Variants in KLF8 observed in about 807,000 individuals in gnomAD.
KLF8 encodes KLF transcription factor 8.
Under a neutral mutation model 18.2 loss-of-function variants are expected in KLF8, and 10 were observed. The ratio of observed to expected loss-of-function variants is 0.55; its 90% CI spans 0.34 to 0.93. KLF8 has a LOEUF of 0.93. KLF8 is among the 40% of genes least tolerant of loss of function. The pLI, the probability that KLF8 is intolerant of heterozygous loss-of-function variation, is 0.02. For missense variants in KLF8, 264 were observed against 277.9 expected (o/e 0.95, Z 0.36); for synonymous variants, 109 against 97.3 (o/e 1.12, Z -0.71).
chrX:56,049,448 C>A, the KLF8 span, among the ~76,000 whole-genome samples: 1 of 110,146 alleles, frequency 9.1e-6, no homozygotes, highest in Admixed American at 9.7e-5. Flanking sequence ...CCCATCAATA[C>A]CTAATCTATT....
chrX:56,184,564 T>G, the KLF8 span, among the ~76,000 whole-genome samples: 80 of 112,378 alleles, frequency 7.1e-4, 3 homozygotes, highest in South Asian at 0.026. Context: ...ATGGGCAGAC[T>G]GCCTCCTCAA....
At chrX:56,039,079 G>A in the KLF8 span, among the ~76,000 whole-genome samples, 5 of 111,471 alleles carry the variant, frequency 4.5e-5, no homozygotes, top group African/African-American at 6.5e-5. Flanking sequence ...TTGTAAATTT[G>A]TTTAATATCC....
At chrX:56,114,602 A>G in the KLF8 span, among the ~76,000 whole-genome samples, 1 of 112,848 alleles carries the variant, frequency 8.9e-6, no homozygotes, top group Non-Finnish European at 1.9e-5. Flanking sequence ...GACCGTCCTC[A>G]TATTGCATAT....
the KLF8 span, among the ~76,000 whole-genome samples, chrX:55,984,289 C>T: frequency 9.1e-6 from 1 of 110,313 alleles, no homozygotes; most frequent in Non-Finnish European, 1.9e-5. Context: ...TACCCGCTCA[C>T]CTAACAGGTC....
chrX:56,253,691 G>A (rs908749734), intron 2 of KLF8, among the ~76,000 whole-genome samples: 5 of 107,409 alleles, frequency 4.7e-5, no homozygotes, highest in African/African-American at 1.0e-4. Context: ...GGCTATTCTC[G>A]GTATTTGTGG....
the KLF8 span, among the ~76,000 whole-genome samples, chrX:56,221,829 G>C: frequency 1.8e-5 from 2 of 111,723 alleles, no homozygotes; most frequent in African/African-American, 6.5e-5. Context: ...CCACAGTTTG[G>C]AAGGGGACCG....
At chrX:56,284,007 A>G (rs918237920) in intron 5 of KLF8, among the ~76,000 whole-genome samples, 5 of 111,752 alleles carry the variant, frequency 4.5e-5, no homozygotes, top group African/African-American at 1.6e-4. Flanking sequence ...ATTATTGAAA[A>G]TCAATGAGAG....
the KLF8 span, among the ~76,000 whole-genome samples, chrX:56,057,886 T>C: frequency 1.8e-5 from 2 of 109,206 alleles, no homozygotes; most frequent in African/African-American, 6.7e-5. Flanking sequence ...TTTAAGCAGG[T>C]ATCCCTGCCA....
At chrX:56,058,299 T>TAC in the KLF8 span, among the ~76,000 whole-genome samples, 4 of 66,757 alleles carry the variant, frequency 6.0e-5, no homozygotes, top group African/African-American at 2.6e-4. Context: ...TATATATATA[T>TAC]ATATATATAT....
the KLF8 span, among the ~76,000 whole-genome samples, chrX:55,987,260 T>C: frequency 9.1e-6 from 1 of 109,903 alleles, no homozygotes; most frequent in Non-Finnish European, 1.9e-5. Context: ...GCAGCTTTGT[T>C]ACATATGTAT....
At chrX:56,052,527 G>T in the KLF8 span, among the ~76,000 whole-genome samples, 14 of 111,817 alleles carry the variant, frequency 1.3e-4, no homozygotes, top group South Asian at 2.6e-3. Context: ...AATACCTGCC[G>T]TGTGAGGTGT....
the KLF8 span, among the ~76,000 whole-genome samples, chrX:55,926,486 A>G: frequency 9.1e-6 from 1 of 110,325 alleles, no homozygotes; most frequent in Non-Finnish European, 1.9e-5. Flanking sequence ...TCCTGATTAC[A>G]CTAGTCTGTG....
At chrX:56,117,895 A>T in the KLF8 span, among the ~76,000 whole-genome samples, 1 of 111,591 alleles carries the variant, frequency 9.0e-6, no homozygotes, top group African/African-American at 3.3e-5. Context: ...TTTATTTCTC[A>T]TGGTTCTGGA....
chrX:56,067,708 G>A, the KLF8 span, among the ~76,000 whole-genome samples: 20 of 112,193 alleles, frequency 1.8e-4, no homozygotes, highest in Non-Finnish European at 3.4e-4. Context: ...ACCTGTGCAA[G>A]ACTAGGAATG....
the KLF8 span, among the ~76,000 whole-genome samples, chrX:55,999,284 G>GTTTTTTTTTTTTTTTTTTT: frequency 2.3e-4 from 4 of 17,519 alleles, no homozygotes; most frequent in Admixed American, 3.1e-4. Flanking sequence ...GATGCCTCCA[G>GTTTTTTTTTTTTTTTTTTT]ATTTTTTTTT....
At chrX:56,018,301 T>G in the KLF8 span, among the ~76,000 whole-genome samples, 1 of 111,442 alleles carries the variant, frequency 9.0e-6, no homozygotes, top group Admixed American at 9.6e-5. Context: ...TCTCGGTGCC[T>G]TACTTATTTC....
chrX:56,164,858 T>A, the KLF8 span, among the ~76,000 whole-genome samples: 1 of 90,003 alleles, frequency 1.1e-5, no homozygotes, highest in African/African-American at 4.1e-5. Context: ...CCCACTAACG[T>A]GTCATCTAGC....
chrX:55,997,305 C>T, the KLF8 span, among the ~76,000 whole-genome samples: 3 of 112,009 alleles, frequency 2.7e-5, no homozygotes, highest in Non-Finnish European at 5.6e-5. Flanking sequence ...GGCCATGCTC[C>T]ACTGCAGCCA....
At chrX:55,984,976 T>C in the KLF8 span, among the ~76,000 whole-genome samples, 2 of 16,937 alleles carry the variant, frequency 1.2e-4, no homozygotes, top group Non-Finnish European at 4.5e-3. Flanking sequence ...GATTGTTTGC[T>C]TTTTTTTTTG....
Sources: gnomAD v4.1 joint callset for allele counts (sites outside exome capture counted in the v4.1 genomes callset) on GRCh38, gnomAD v4.1.1 for gene constraint, MANE v1.5 for transcripts, NCBI Gene and HGNC (gene_info 2026-07-23, HGNC 2026-07-21) for gene names.